Variants in PLCB1 observed in about 807,000 individuals in gnomAD.
PLCB1 encodes phospholipase C beta 1.
A neutral mutation model predicts 161.8 loss-of-function variants in PLCB1; 46 were observed. The observed-to-expected ratio is 0.28, with a 90% CI of 0.22 to 0.36. The LOEUF (loss-of-function observed/expected upper bound fraction) is 0.36. Ranked by LOEUF, PLCB1 falls within the 10% of genes least tolerant of loss-of-function variation. PLCB1 has a pLI of 1.00. For synonymous variants in PLCB1, 517 were observed against 503.7 expected, an observed-to-expected ratio of 1.03 and a Z score of -0.35; for missense variants, 1,016 against 1,472.5, an observed-to-expected ratio of 0.69 and a Z score of 5.07.
chr20:8,654,361 T>A (rs1989396710), intron 7 of PLCB1, among the ~76,000 whole-genome samples: 2 of 152,026 alleles, frequency 1.3e-5, no homozygotes, highest in Non-Finnish European at 2.9e-5. Context: ...CGTTTTGTAT[T>A]GGGTGCCTGA....
intron 2 of PLCB1, among the ~76,000 whole-genome samples, chr20:8,178,958 T>C (rs1293721326): frequency 6.6e-6 from 1 of 152,216 alleles, no homozygotes; most frequent in African/African-American, 2.4e-5. Flanking sequence ...TGTGGCTTTA[T>C]TTCTGGGCTC....
At position 8,744,616 on chromosome 20, in the gene PLCB1, T is replaced by TAAAATAAAATA. The variant is rs1555787573; in HGVS notation, c.2523+3046_2523+3047insATAAAATAAAA. Among the ~76,000 whole-genome samples the TAAAATAAAATA allele has an allele frequency of 2.5e-5, 3 of 121,222 alleles. 1 individual carries two copies. Among genetic ancestry groups the TAAAATAAAATA allele is most frequent in the South Asian group, 5.3e-4 (2 of 3,770 alleles). The allele number at this position is 121,222 out of a possible 152,430, so 79.5% of individuals were successfully genotyped here. A position where few individuals can be genotyped will look rare whatever the true frequency, so the allele number is the denominator to read the frequency against. On this transcript the variant is annotated intron_variant, in intron 23 of 31. Transcript: ENST00000338037. Reference sequence around the variant, plus strand: ...GAGACCATGTCTCTTAAAAATAAAATAAATAAAATAAAATAAAATAAAATA... The same window carrying TAAAATAAAATA: ...GAGACCATGTCTCTTAAAAATAAAATAAAATAAAATAAAATAAAATAAAATAAAATAAAATA...
chr20:8,400,054 G>A (rs965975906), intron 3 of PLCB1, among the ~76,000 whole-genome samples: 1 of 152,130 alleles, frequency 6.6e-6, no homozygotes, highest in East Asian at 1.9e-4. Context: ...TGCTTTTTAA[G>A]TCTATCATTT....
At chr20:8,651,084 A>G (rs17444846) in intron 7 of PLCB1, among the ~76,000 whole-genome samples, 5,290 of 152,208 alleles carry the variant, frequency 0.035, 147 homozygotes, top group South Asian at 0.11. Flanking sequence ...CATTGCATAA[A>G]ATTTTTTTCT....
chr20:8,157,397 C>T (rs932211061), intron 2 of PLCB1, among the ~76,000 whole-genome samples: 10 of 152,220 alleles, frequency 6.6e-5, no homozygotes, highest in African/African-American at 1.9e-4. Flanking sequence ...CAGGCCACTC[C>T]TCTTCCTCCC....
intron 8 of PLCB1, 74 bp downstream of exon 8, chr20:8,657,358 G>A: frequency 1.2e-6 from 1 of 854,594 alleles, no homozygotes; most frequent in Non-Finnish European, 2.0e-6. Context: ...AGGACTTGGA[G>A]TGGTAATTGG....
chr20:8,302,940 A>G (rs1418236140), intron 2 of PLCB1, among the ~76,000 whole-genome samples: 1 of 152,198 alleles, frequency 6.6e-6, no homozygotes, highest in Non-Finnish European at 1.5e-5. Context: ...ATAAGATTGA[A>G]GATGAAAATA....
At chr20:8,777,227 AGC>A (rs1982986208) in intron 27 of PLCB1, among the ~76,000 whole-genome samples, 1 of 152,020 alleles carries the variant, frequency 6.6e-6, no homozygotes, top group Non-Finnish European at 1.5e-5. Flanking sequence ...GAAGCTTTTG[AGC>A]AGAGGATTGA....
At chr20:8,828,578 C>A (rs2143267) in intron 31 of PLCB1, among the ~76,000 whole-genome samples, 43,898 of 151,992 alleles carry the variant, frequency 0.29, 6,502 homozygotes, top group Middle Eastern at 0.41. Flanking sequence ...GGCTTAAATA[C>A]ATGCAAGAAC....
intron 2 of PLCB1, among the ~76,000 whole-genome samples, chr20:8,341,099 G>C (rs1050590047): frequency 1.3e-5 from 2 of 151,894 alleles, no homozygotes; most frequent in African/African-American, 2.4e-5. Context: ...GTTCCACCAT[G>C]CCCCCCTCCC....
At chr20:8,682,519 A>C (rs1451718861) in intron 9 of PLCB1, among the ~76,000 whole-genome samples, 1 of 152,196 alleles carries the variant, frequency 6.6e-6, no homozygotes, top group Non-Finnish European at 1.5e-5. Flanking sequence ...GACAATAGTA[A>C]AAGCAATTTA....
At chr20:8,627,835 T>C (rs1293219560) in intron 3 of PLCB1, among the ~76,000 whole-genome samples, 1 of 152,238 alleles carries the variant, frequency 6.6e-6, no homozygotes, top group Admixed American at 6.5e-5. Flanking sequence ...CAGTACTGAC[T>C]GTTGGAGCAG....
At chr20:8,171,290 C>G (rs1366209497) in intron 2 of PLCB1, among the ~76,000 whole-genome samples, 1 of 151,974 alleles carries the variant, frequency 6.6e-6, no homozygotes, top group African/African-American at 2.4e-5. Context: ...ATACATTTAA[C>G]TAAGTACAAA....
intron 2 of PLCB1, among the ~76,000 whole-genome samples, chr20:8,211,918 T>C (rs1045581676): frequency 2.0e-5 from 3 of 152,150 alleles, no homozygotes; most frequent in Admixed American, 2.0e-4. Context: ...ATCCTTTTCA[T>C]ATTATAAGCC....
chr20:8,837,699 C>T (rs1361746667), intron 31 of PLCB1, among the ~76,000 whole-genome samples: 1 of 152,170 alleles, frequency 6.6e-6, no homozygotes, highest in African/African-American at 2.4e-5. Flanking sequence ...GTCCTGGAGA[C>T]ATACCTTTCA....
chr20:8,589,484 T>A (rs1244706577), intron 3 of PLCB1, among the ~76,000 whole-genome samples: 13 of 152,026 alleles, frequency 8.6e-5, no homozygotes, highest in Admixed American at 8.5e-4. Flanking sequence ...AAGTCTAAGA[T>A]CAAGGTGCCA....
At chr20:8,331,533 G>GTT (rs1985364054) in intron 2 of PLCB1, among the ~76,000 whole-genome samples, 1 of 152,184 alleles carries the variant, frequency 6.6e-6, no homozygotes, top group African/African-American at 2.4e-5. Context: ...GATGTGAGCA[G>GTT]TTTATCAGCA....
intron 3 of PLCB1, among the ~76,000 whole-genome samples, chr20:8,556,579 T>G (rs1985959295): frequency 6.6e-6 from 1 of 151,628 alleles, no homozygotes; most frequent in South Asian, 2.1e-4. Context: ...ACCTTCAGCT[T>G]GAGATCTTAA....
intron 2 of PLCB1, chr20:8,249,737 A>G (rs995609754): frequency 1.3e-5 from 2 of 151,996 alleles, no homozygotes; most frequent in Non-Finnish European, 1.5e-5. Context: ...TGTCTGAAGC[A>G]GCAAAGATGA....
Sources: gnomAD v4.1 joint callset for allele counts (sites outside exome capture counted in the v4.1 genomes callset) on GRCh38, gnomAD v4.1.1 for gene constraint, MANE v1.5 for transcripts, NCBI Gene and HGNC (gene_info 2026-07-23, HGNC 2026-07-21) for gene names.